ASIC2: variants seen among roughly 807,000 people sequenced by gnomAD.
ASIC2 encodes acid-sensing ion channel 2.
Under a neutral mutation model 57.3 loss-of-function variants are expected in ASIC2, and 25 were observed. The observed-to-expected ratio is 0.44, with a 90% CI of 0.32 to 0.61. The LOEUF is 0.61. Ranked by LOEUF, ASIC2 falls within the 20% of genes least tolerant of loss-of-function variation. The pLI is 0.06. For missense variants in ASIC2, 641 were observed against 738.1 expected, an observed-to-expected ratio of 0.87 and a Z score of 1.52; for synonymous variants, 319 against 307.5, an observed-to-expected ratio of 1.04 and a Z score of -0.39.
intron 1 of ASIC2, among the ~76,000 whole-genome samples, chr17:33,703,872 G>A (rs146174126): frequency 2.3e-4 from 35 of 152,210 alleles, no homozygotes; most frequent in African/African-American, 7.2e-4. Context: ...GAGCTCCTAA[G>A]CTCTGACCTT....
intron 1 of ASIC2, chr17:33,131,600 C>T (rs1321140676): frequency 2.6e-5 from 4 of 152,270 alleles, no homozygotes; most frequent in Admixed American, 6.5e-5. Context: ...GGGTGTCTAA[C>T]AGCTGCGTGC....
chr17:33,462,984 T>C (rs1488985619), intron 1 of ASIC2, among the ~76,000 whole-genome samples: 1 of 152,220 alleles, frequency 6.6e-6, no homozygotes, highest in Non-Finnish European at 1.5e-5. Flanking sequence ...TCTCTTCCCC[T>C]TGGGCTTGCC....
chr17:33,067,100 G>C (rs565960504), intron 3 of ASIC2, among the ~76,000 whole-genome samples: 1 of 152,016 alleles, frequency 6.6e-6, no homozygotes, highest in East Asian at 1.9e-4. Context: ...ATGGCTCTCC[G>C]GGGCACTGAC....
At chr17:33,504,152 C>T (rs906768754) in intron 1 of ASIC2, among the ~76,000 whole-genome samples, 1 of 152,228 alleles carries the variant, frequency 6.6e-6, no homozygotes, top group African/African-American at 2.4e-5. Flanking sequence ...CAGTCCCTCT[C>T]CCTGTGAGTT....
Position 33,144,558 on chromosome 17 carries a change from G to T in ASIC2, c.709-32491C>A, listed in dbSNP as rs185571925. On this transcript the variant is annotated intron_variant, in intron 1 of 9. Coordinates refer to ENST00000225823, the MANE Select transcript of ASIC2 (RefSeq NM_183377.2). ...AGTTAGAATTAGATTTCTCTTATGT[G>T]TAAGTGAGAGAGTCCTAATTTAAAT... 2.6e-3 allele frequency among the ~76,000 whole-genome samples: 403 copies of T among 152,288 alleles called. 1 individual carries two copies. The highest frequency in any genetic ancestry group is 9.3e-3 in the African/African-American group (386 of 41,552).
At chr17:33,536,109 A>AT (rs2141964848) in intron 1 of ASIC2, among the ~76,000 whole-genome samples, 1 of 152,198 alleles carries the variant, frequency 6.6e-6, no homozygotes, top group East Asian at 1.9e-4. Context: ...GTGTGTTGGT[A>AT]TTTTTTTCCA....
At chr17:33,563,800 T>C (rs1916148512) in intron 1 of ASIC2, among the ~76,000 whole-genome samples, 1 of 152,072 alleles carries the variant, frequency 6.6e-6, no homozygotes. Context: ...CAAGCCCATC[T>C]GTAGCAAAGG....
intron 1 of ASIC2, among the ~76,000 whole-genome samples, chr17:34,128,855 G>A (rs1301695139): frequency 6.6e-6 from 1 of 152,140 alleles, no homozygotes; most frequent in East Asian, 1.9e-4. Flanking sequence ...AGCCTCCTGG[G>A]GAGCTTTAAA....
chr17:33,545,855 G>T (rs1416244995), intron 1 of ASIC2, among the ~76,000 whole-genome samples: 1 of 151,982 alleles, frequency 6.6e-6, no homozygotes, highest in Admixed American at 6.6e-5. Flanking sequence ...TTACGTTCTG[G>T]GTCCTACATT....
At chr17:33,563,263 C>T (rs946062703) in intron 1 of ASIC2, among the ~76,000 whole-genome samples, 4 of 152,160 alleles carry the variant, frequency 2.6e-5, no homozygotes, top group African/African-American at 9.7e-5. Flanking sequence ...TGTCCTGTAC[C>T]AGACACTTTA....
chr17:33,372,010 G>T (rs1210892339), intron 1 of ASIC2, among the ~76,000 whole-genome samples: 3 of 152,050 alleles, frequency 2.0e-5, no homozygotes, highest in African/African-American at 7.2e-5. Flanking sequence ...ACAATACTGA[G>T]TGTGAAGGCT....
intron 1 of ASIC2, among the ~76,000 whole-genome samples, chr17:33,352,466 T>A (rs1357526039): frequency 6.6e-6 from 1 of 152,200 alleles, no homozygotes; most frequent in Non-Finnish European, 1.5e-5. Flanking sequence ...CTGGGCTGAC[T>A]AACATGGCTC....
chr17:33,323,216 G>A (rs931786673), intron 1 of ASIC2, among the ~76,000 whole-genome samples: 13 of 152,160 alleles, frequency 8.5e-5, no homozygotes, highest in East Asian at 1.9e-4. Flanking sequence ...TATGTTCACC[G>A]AAAGCCTTGT....
chr17:33,651,153 G>A (rs1420406096), intron 1 of ASIC2, among the ~76,000 whole-genome samples: 1 of 152,078 alleles, frequency 6.6e-6, no homozygotes, highest in African/African-American at 2.4e-5. Context: ...ACACACGAGT[G>A]CCTGCTAAAC....
At chr17:33,045,442 G>C (rs1230798880) in intron 3 of ASIC2, among the ~76,000 whole-genome samples, 1 of 152,172 alleles carries the variant, frequency 6.6e-6, no homozygotes. Flanking sequence ...ATTGAAACAG[G>C]GGGAGGAGAA....
At chr17:33,901,229 A>G (rs1915225126) in intron 1 of ASIC2, among the ~76,000 whole-genome samples, 1 of 152,024 alleles carries the variant, frequency 6.6e-6, no homozygotes, top group Non-Finnish European at 1.5e-5. Context: ...CCTCTTGCAT[A>G]TTATCACTCC....
intron 1 of ASIC2, among the ~76,000 whole-genome samples, chr17:33,542,883 T>C (rs990347603): frequency 4.0e-5 from 6 of 151,748 alleles, no homozygotes; most frequent in Non-Finnish European, 2.9e-5. Flanking sequence ...GTTTTAGGTC[T>C]AACGTTTAAA....
chr17:33,017,940 C>T (rs1159184261), intron 7 of ASIC2, among the ~76,000 whole-genome samples: 2 of 152,194 alleles, frequency 1.3e-5, no homozygotes, highest in South Asian at 2.1e-4. Context: ...TCTCATGACC[C>T]ACAGGGCTAA....
intron 1 of ASIC2, among the ~76,000 whole-genome samples, chr17:33,773,575 G>A (rs1436607955): frequency 1.3e-5 from 2 of 152,022 alleles, no homozygotes; most frequent in African/African-American, 4.8e-5. Context: ...ACTGAGAAGG[G>A]GAAGGAAAGA....
Sources: allele counts gnomAD v4.1 joint callset (sites outside exome capture counted in the v4.1 genomes callset), GRCh38; gene constraint gnomAD v4.1.1; transcripts MANE v1.5; gene names NCBI Gene and HGNC (gene_info 2026-07-23, HGNC 2026-07-21).